TMEM181: variants seen among roughly 807,000 people sequenced by gnomAD.
The protein encoded by TMEM181 is G protein-coupled receptor 178.
TMEM181 carries 39 observed loss-of-function variants against 71.9 expected under a neutral mutation model. The observed-to-expected ratio is 0.54, with a 90% CI of 0.42 to 0.71. The LOEUF (loss-of-function observed/expected upper bound fraction) is 0.71, where lower values mean the gene tolerates loss of function less well. Ranked by LOEUF, TMEM181 falls within the 30% of genes least tolerant of loss-of-function variation. TMEM181 has a pLI of 0.00. For synonymous variants in TMEM181, 245 were observed against 228.8 expected, an observed-to-expected ratio of 1.07 and a Z score of -0.64; for missense variants, 595 against 583.0, an observed-to-expected ratio of 1.02 and a Z score of -0.21.
At chr6:158,570,655 C>T (rs1782754402) in intron 1 of TMEM181, among the ~76,000 whole-genome samples, 1 of 152,142 alleles carries the variant, frequency 6.6e-6, no homozygotes, top group Non-Finnish European at 1.5e-5. Context: ...AGCTCTGAGA[C>T]AGCGCTGCAG....
chr6:158,613,016 T>G (rs1315713579), intron 10 of TMEM181, among the ~76,000 whole-genome samples: 2 of 151,236 alleles, frequency 1.3e-5, no homozygotes, highest in Non-Finnish European at 2.9e-5. Context: ...TGTCACTCAG[T>G]TAGTTATTTT....
chr6:158,565,947 C>T (rs1303600589), intron 1 of TMEM181, among the ~76,000 whole-genome samples: 4 of 152,188 alleles, frequency 2.6e-5, no homozygotes, highest in South Asian at 2.1e-4. Flanking sequence ...GGACAGTTCC[C>T]GGCACCTCGA....
rs963961192 is a variant in TMEM181, at chr6:158,633,537, A to G, written c.*1649A>G. On this transcript the variant is annotated 3_prime_UTR_variant, in exon 17 of 17. Transcript: ENST00000684151. ...CAGTACCTACTTTTTTTCTTCATCT[A>G]TGCATTGACTCTCAGATTACCATGC... 6.6e-6 allele frequency: 1 copy of G among 152,174 alleles called. No homozygotes were observed. Among genetic ancestry groups the G allele is most frequent in the Non-Finnish European group, 1.5e-5 (1 of 68,024 alleles). 9.4% of individuals were successfully genotyped at this position (152,174 alleles called of 1,614,324 possible).
At chr6:158,560,383 G>C (rs1782087517) in intron 1 of TMEM181, among the ~76,000 whole-genome samples, 151 bp downstream of exon 1, 1 of 152,150 alleles carries the variant, frequency 6.6e-6, no homozygotes, top group Non-Finnish European at 1.5e-5. Context: ...GGGGCTTCGC[G>C]GGCGGGTCAG....
chr6:158,591,044 A>C (rs1450133130), intron 6 of TMEM181, among the ~76,000 whole-genome samples: 1 of 151,686 alleles, frequency 6.6e-6, no homozygotes, highest in Non-Finnish European at 1.5e-5. Context: ...TCACTCCTTC[A>C]TTTTGCTAAG....
At chr6:158,571,965 C>T (rs928683749) in intron 1 of TMEM181, among the ~76,000 whole-genome samples, 1 of 152,234 alleles carries the variant, frequency 6.6e-6, no homozygotes, top group Non-Finnish European at 1.5e-5. Context: ...CCACCTCCTT[C>T]CCCAGCTCTC....
At chr6:158,581,095 T>C in intron 3 of TMEM181, 100 bp downstream of exon 3, 2 of 1,161,560 alleles carry the variant, frequency 1.7e-6, no homozygotes, top group Non-Finnish European at 1.2e-6. Context: ...TAGCCTTCCC[T>C]TGCCTTGCGG....
At chr6:158,583,426 CTG>C (rs1783587236) in intron 3 of TMEM181, among the ~76,000 whole-genome samples, 2 of 152,100 alleles carry the variant, frequency 1.3e-5, no homozygotes, top group Non-Finnish European at 2.9e-5. Flanking sequence ...TTAGAGATTT[CTG>C]TGAGAGACAG....
chr6:158,622,956 G>A (rs934128734), intron 10 of TMEM181, among the ~76,000 whole-genome samples: 2 of 152,076 alleles, frequency 1.3e-5, no homozygotes, highest in East Asian at 3.9e-4. Context: ...CTGTAAAATG[G>A]CCCCACAGCA....
At chr6:158,544,828 CT>C (rs149153553) in intron 1 of TMEM181, among the ~76,000 whole-genome samples, 1 of 152,212 alleles carries the variant, frequency 6.6e-6, no homozygotes, top group East Asian at 1.9e-4. Context: ...TGTAGTCCCT[CT>C]TTTCCTATCC....
intron 1 of TMEM181, among the ~76,000 whole-genome samples, chr6:158,569,169 C>T (rs777503262): frequency 4.6e-5 from 7 of 152,160 alleles, no homozygotes; most frequent in South Asian, 2.1e-4. Flanking sequence ...AAGTCGAGAG[C>T]GGAAAGAGTC....
chr6:158,595,109 T>C (rs564607544), intron 6 of TMEM181, among the ~76,000 whole-genome samples: 1 of 152,244 alleles, frequency 6.6e-6, no homozygotes, highest in Non-Finnish European at 1.5e-5. Context: ...GTACTGGCTG[T>C]CAGATATTTC....
chr6:158,547,579 C>A (rs1003250933), intron 1 of TMEM181, among the ~76,000 whole-genome samples: 2 of 152,180 alleles, frequency 1.3e-5, no homozygotes, highest in East Asian at 3.9e-4. Context: ...CACAGGGTCT[C>A]CCCCCTCAGC....
At chr6:158,596,968 G>A (rs1454870910) in intron 6 of TMEM181, among the ~76,000 whole-genome samples, 5 of 152,242 alleles carry the variant, frequency 3.3e-5, no homozygotes, top group East Asian at 3.9e-4. Context: ...CAGCTAAACC[G>A]TATCACTTCC....
intron 6 of TMEM181, among the ~76,000 whole-genome samples, chr6:158,599,334 T>C (rs35654986): frequency 0.14 from 21,530 of 152,122 alleles, 1,606 homozygotes; most frequent in Non-Finnish European, 0.16. Context: ...GGGCACTTGT[T>C]CCAAAGGTAA....
chr6:158,586,750 T>G (rs147192806), intron 5 of TMEM181, among the ~76,000 whole-genome samples: 75 of 152,336 alleles, frequency 4.9e-4, no homozygotes, highest in African/African-American at 1.7e-3. Flanking sequence ...CCTCTCATTC[T>G]GCTTCCAGGG....
chr6:158,633,121 T>G lies in TMEM181; in HGVS notation c.*1233T>G, dbSNP rs1786751109. The G allele has an allele frequency of 6.6e-6, 1 of 152,224 alleles. No homozygotes were observed. Among genetic ancestry groups the G allele is most frequent in the Non-Finnish European group, 1.5e-5 (1 of 68,032 alleles). 9.4% of individuals were successfully genotyped at this position (152,224 alleles called of 1,614,324 possible). A position where few individuals can be genotyped will look rare whatever the true frequency, so the allele number is the denominator to read the frequency against. ...TGATAGAATATTTTAGATTATTTAT[T>G]GGCCAAAAGTTTTTAAAACTCATAT... is the stretch of plus-strand genomic sequence containing the variant. On this transcript the variant is annotated 3_prime_UTR_variant, in exon 17 of 17. Coordinates refer to ENST00000684151, the MANE Select transcript of TMEM181 (RefSeq NM_001376852.1).
chr6:158,607,545 C>T (rs562813464), intron 8 of TMEM181, among the ~76,000 whole-genome samples: 1 of 152,158 alleles, frequency 6.6e-6, no homozygotes, highest in African/African-American at 2.4e-5. Flanking sequence ...TGGTGCGTGC[C>T]TGTGGTCCCA....
chr6:158,598,682 A>AT (rs901844156), intron 6 of TMEM181, among the ~76,000 whole-genome samples: 24 of 130,532 alleles, frequency 1.8e-4, no homozygotes, highest in Non-Finnish European at 3.2e-4. Flanking sequence ...TTATTTATTT[A>AT]TTTTTTTTTG....
Sources: gnomAD v4.1 joint callset for allele counts (sites outside exome capture counted in the v4.1 genomes callset) on GRCh38, gnomAD v4.1.1 for gene constraint, MANE v1.5 for transcripts, NCBI Gene and HGNC (gene_info 2026-07-23, HGNC 2026-07-21) for gene names.